Variants in MYO3A observed in about 807,000 individuals in gnomAD.
MYO3A encodes myosin IIIA.
Under a neutral mutation model 192.7 loss-of-function variants are expected in MYO3A, and 180 were observed. The ratio of observed to expected loss-of-function variants is 0.93; its 90% confidence interval spans 0.83 to 1.06. MYO3A has a LOEUF of 1.06. MYO3A is among the 50% of genes least tolerant of loss of function. The pLI, the probability that MYO3A is intolerant of heterozygous loss-of-function variation, is 0.00. For missense variants in MYO3A, 1,896 were observed against 1,905.0 expected (o/e 1.00, Z 0.09); for synonymous variants, 628 against 645.3 (o/e 0.97, Z 0.41).
intron 10 of MYO3A, among the ~76,000 whole-genome samples, chr10:26,032,572 T>A (rs1050519267): frequency 6.6e-6 from 1 of 151,506 alleles, no homozygotes; most frequent in Non-Finnish European, 1.5e-5. Context: ...GCCCAGATCA[T>A]GCCATTGCAC....
At chr10:26,060,206 C>T (rs1834370202) in intron 10 of MYO3A, among the ~76,000 whole-genome samples, 1 of 151,840 alleles carries the variant, frequency 6.6e-6, no homozygotes, top group Non-Finnish European at 1.5e-5. Context: ...TTGTGGTGAG[C>T]GAAGATCATG....
At chr10:26,060,562 CCA>C (rs377504397) in intron 10 of MYO3A, among the ~76,000 whole-genome samples, 71,727 of 151,880 alleles carry the variant, frequency 0.47, 17,761 homozygotes, top group Middle Eastern at 0.59. Flanking sequence ...CCATAAATTT[CCA>C]TATCAAAATA....
chr10:26,068,844 C>G lies in MYO3A; in HGVS notation c.1130C>G (p.Ala377Gly). ...GTCTATGTGGGAGACATACTCATTG[C>G]TCTTAACCCTTTTCAGAGTCTGGGT... is the stretch of plus-strand genomic sequence containing the variant. ...IYVYVGDILI[A>G]LNPFQSLGLY... Residue 377 changes from alanine (A) to glycine (G), a missense_variant, in exon 12 of 35, where the codon GCT becomes GGT. Ala to Gly is a moderately conservative substitution (Grantham distance 60). Transcript: ENST00000642920. 2 of 1,599,026 alleles carry G rather than the reference C, an allele frequency of 1.3e-6. No individual in the cohort carries two copies. The highest frequency in any genetic ancestry group is 8.6e-7 in the Non-Finnish European group (1 of 1,166,422).
intron 2 of MYO3A, among the ~76,000 whole-genome samples, chr10:25,940,813 T>C (rs929229280): frequency 6.6e-6 from 1 of 152,230 alleles, no homozygotes; most frequent in Non-Finnish European, 1.5e-5. Context: ...CTGTATGTAA[T>C]AACTCTTTTC....
chr10:26,023,200 G>A (rs924008699), intron 8 of MYO3A: 1 of 152,180 alleles, frequency 6.6e-6, no homozygotes, highest in African/African-American at 2.4e-5. Flanking sequence ...TCTTTAATGA[G>A]CCTGTACAAA....
intron 30 of MYO3A, among the ~76,000 whole-genome samples, chr10:26,175,060 TA>T (rs1842254966): frequency 6.6e-6 from 1 of 152,058 alleles, no homozygotes; most frequent in Non-Finnish European, 1.5e-5. Flanking sequence ...TCATGGAAAA[TA>T]AGGAATCACA....
At chr10:26,039,025 G>T (rs1396550893) in intron 10 of MYO3A, among the ~76,000 whole-genome samples, 1 of 87,978 alleles carries the variant, frequency 1.1e-5, no homozygotes, top group Non-Finnish European at 2.6e-5. Context: ...ATGAGTTTTT[G>T]TTTGTTTGTT....
chr10:26,169,383 A>G (rs1006118296), intron 28 of MYO3A, among the ~76,000 whole-genome samples: 6 of 152,298 alleles, frequency 3.9e-5, no homozygotes, highest in African/African-American at 1.4e-4. Context: ...CTATTTTTCC[A>G]TAAGAAATGA....
At chr10:26,066,169 C>A (rs747239109) in intron 10 of MYO3A, among the ~76,000 whole-genome samples, 1 of 145,956 alleles carries the variant, frequency 6.9e-6, no homozygotes, top group Non-Finnish European at 1.5e-5. Flanking sequence ...GATAGGGGAA[C>A]AGGCAGTTTA....
intron 26 of MYO3A, among the ~76,000 whole-genome samples, chr10:26,160,801 T>C (rs150297536): frequency 9.0e-4 from 137 of 152,218 alleles, no homozygotes; most frequent in African/African-American, 3.3e-3. Context: ...AGAGTGGGCA[T>C]TGCATTGGTG....
chr10:26,159,640 A>G lies in MYO3A; in HGVS notation c.2999+2125A>G, dbSNP rs566072612. ...GTGATCCGCCAGCCTCGGCCTCCCA[A>G]AGTGCTGGGATTACAGGCGTGAGCC... On this transcript the variant is annotated intron_variant, in intron 26 of 34. Coordinates refer to ENST00000642920, the MANE Select transcript of MYO3A (RefSeq NM_017433.5). 2.0e-5 allele frequency among the ~76,000 whole-genome samples: 3 copies of G among 152,224 alleles called. No homozygotes were observed. The East Asian group carries it at 5.8e-4, about 29-fold the overall frequency.
chr10:26,070,450 C>A lies in MYO3A; in HGVS notation c.1359+49C>A, dbSNP rs775257508. 28 of 1,476,762 alleles carry A rather than the reference C, an allele frequency of 1.9e-5. 1 individual carries two copies. In the East Asian group the frequency reaches 5.9e-4, roughly 31 times the overall value. The allele number at this position is 1,476,762 out of a possible 1,614,324, so 91.5% of individuals were successfully genotyped here. A position where few individuals can be genotyped will look rare whatever the true frequency, so the allele number is the denominator to read the frequency against. On this transcript the variant is annotated intron_variant, in intron 14 of 34. Transcript: ENST00000642920. ...CCCATCAGAAATATTTGTTGAATTT[C>A]ATAACTTAATATAACTGATTAGATT...
intron 4 of MYO3A, among the ~76,000 whole-genome samples, chr10:25,972,527 T>G: frequency 6.6e-6 from 1 of 152,176 alleles, no homozygotes; most frequent in East Asian, 1.9e-4. Flanking sequence ...TTGAAAACTG[T>G]ACATTTCAGA....
intron 31 of MYO3A, among the ~76,000 whole-genome samples, chr10:26,185,179 G>T (rs1247708068): frequency 6.6e-6 from 1 of 152,096 alleles, no homozygotes; most frequent in African/African-American, 2.4e-5. Context: ...TCCTGGTGAA[G>T]AAACAATGTC....
At chr10:26,008,411 C>T (rs867280200) in intron 6 of MYO3A, among the ~76,000 whole-genome samples, 3,163 of 135,578 alleles carry the variant, frequency 0.023, 119 homozygotes, top group African/African-American at 0.061. Flanking sequence ...AGAGCTTCTG[C>T]ACAGCAAAAG....
intron 23 of MYO3A, among the ~76,000 whole-genome samples, chr10:26,148,622 C>T (rs1840611249): frequency 6.6e-6 from 1 of 152,208 alleles, no homozygotes; most frequent in Admixed American, 6.5e-5. Context: ...ATCTTCCAAT[C>T]AGCACAGTAT....
chr10:26,188,214 G>GT (rs1842953860), intron 31 of MYO3A, among the ~76,000 whole-genome samples: 1 of 152,256 alleles, frequency 6.6e-6, no homozygotes, highest in Non-Finnish European at 1.5e-5. Context: ...TCTCATTGTG[G>GT]TTTTGATTTG....
At chr10:26,104,631 T>G (rs1337294455) in intron 17 of MYO3A, among the ~76,000 whole-genome samples, 1 of 152,124 alleles carries the variant, frequency 6.6e-6, no homozygotes, top group Non-Finnish European at 1.5e-5. Flanking sequence ...CTTTGTTCTT[T>G]TTTTAAAATT....
chr10:26,128,612 C>T (rs1164443252), intron 20 of MYO3A, 74 bp downstream of exon 20: 4 of 1,424,346 alleles, frequency 2.8e-6, no homozygotes, highest in Non-Finnish European at 3.9e-6. Flanking sequence ...TGAAGCAGGA[C>T]CTTAACCATA....
Sources: gnomAD v4.1 joint callset for allele counts (sites outside exome capture counted in the v4.1 genomes callset) on GRCh38, gnomAD v4.1.1 for gene constraint, MANE v1.5 for transcripts, NCBI Gene and HGNC (gene_info 2026-07-23, HGNC 2026-07-21) for gene names.